The following CNTN5 variants were observed in gnomAD, a reference collection of about 807,000 sequenced individuals.
CNTN5 encodes the protein contactin-5.
Under a neutral mutation model 129.1 loss-of-function variants are expected in CNTN5, and 77 were observed. The ratio of observed to expected loss-of-function variants is 0.60; its 90% CI spans 0.50 to 0.72. The LOEUF (loss-of-function observed/expected upper bound fraction) is 0.72, where lower values mean the gene tolerates loss of function less well. Ranked by LOEUF, CNTN5 falls within the 30% of genes least tolerant of loss-of-function variation. The probability of loss-of-function intolerance (pLI) is 0.00; values close to 1 mark genes in which losing one functional copy is unlikely to be tolerated. For synonymous variants in CNTN5, 509 were observed against 465.6 expected (o/e 1.09, Z -1.20); for missense variants, 1,478 against 1,328.8 (o/e 1.11, Z -1.75).
chr11:99,693,589 C>T (rs1954132240), intron 3 of CNTN5, among the ~76,000 whole-genome samples: 1 of 151,856 alleles, frequency 6.6e-6, no homozygotes, highest in Non-Finnish European at 1.5e-5. Context: ...GAGTAATGGA[C>T]AGTAGAGCTG....
intron 2 of CNTN5, among the ~76,000 whole-genome samples, chr11:99,445,082 A>G (rs71474521): frequency 6.8e-6 from 1 of 147,992 alleles, no homozygotes; most frequent in Non-Finnish European, 1.5e-5. Flanking sequence ...ACACAATTAT[A>G]TTTATATTTG....
intron 3 of CNTN5, among the ~76,000 whole-genome samples, chr11:99,609,159 T>C (rs1950521171): frequency 6.6e-6 from 1 of 152,166 alleles, no homozygotes; most frequent in Non-Finnish European, 1.5e-5. Flanking sequence ...GAATTCAAAT[T>C]TGTGTTCTCT....
At chr11:99,633,921 G>C (rs1392665866) in intron 3 of CNTN5, among the ~76,000 whole-genome samples, 1 of 152,182 alleles carries the variant, frequency 6.6e-6, no homozygotes, top group Admixed American at 6.5e-5. Context: ...TACAGGACAC[G>C]TGTGCCAGCG....
chr11:99,542,086 T>C (rs1028887553), intron 2 of CNTN5, among the ~76,000 whole-genome samples: 1 of 152,116 alleles, frequency 6.6e-6, no homozygotes, highest in African/African-American at 2.4e-5. Flanking sequence ...ATTTATGGGA[T>C]ATAATGTATT....
intron 3 of CNTN5, among the ~76,000 whole-genome samples, chr11:99,628,621 C>CACAT (rs1232445586): frequency 4.6e-5 from 7 of 150,758 alleles, no homozygotes; most frequent in African/African-American, 1.5e-4. Flanking sequence ...GACACACACA[C>CACAT]ACACACACAC....
chr11:99,842,069 A>G (rs903393078), intron 4 of CNTN5, among the ~76,000 whole-genome samples: 8 of 151,730 alleles, frequency 5.3e-5, no homozygotes. Flanking sequence ...CTAATTTTGT[A>G]TGTTTAGTAC....
chr11:100,161,689 AATG>A (rs1004011608), intron 13 of CNTN5, among the ~76,000 whole-genome samples: 1 of 151,776 alleles, frequency 6.6e-6, no homozygotes, highest in Non-Finnish European at 1.5e-5. Flanking sequence ...TCAAAAAAGC[AATG>A]ATGTAAATAA....
In CNTN5 at chr11:100,356,196, G is replaced by A. The variant is rs565717456; in HGVS notation, c.3279G>A (p.Leu1093=). 4 of 1,609,232 alleles carry A rather than the reference G, an allele frequency of 2.5e-6. No homozygotes were observed. The South Asian group carries it at 3.3e-5, about 13-fold the overall frequency. The change falls in exon 25 of 25, where the codon TTG becomes TTA. Residue 1093 remains leucine (L), a synonymous_variant. Coordinates refer to ENST00000524871, the MANE Select transcript of CNTN5 (RefSeq NM_014361.4). ...CATCAGTCACCTTGCTCTTGGCATT[G>A]ATGATTCCTTCAACTTCCTGGTGAA... The part of the protein sequence containing the change: ...SSSSVTLLLA[L]MIPSTSW
intron 13 of CNTN5, among the ~76,000 whole-genome samples, chr11:100,086,406 G>A (rs1944557040): frequency 6.6e-6 from 1 of 150,544 alleles, no homozygotes; most frequent in South Asian, 2.1e-4. Flanking sequence ...AATTTTTAGT[G>A]CAACCAGTAA....
chr11:100,348,140 C>G (rs1431064708), intron 23 of CNTN5, among the ~76,000 whole-genome samples: 4 of 151,908 alleles, frequency 2.6e-5, no homozygotes, highest in African/African-American at 9.7e-5. Flanking sequence ...TTGCAACTGT[C>G]AATCTATAAA....
At chr11:99,716,349 T>C (rs605559) in intron 3 of CNTN5, among the ~76,000 whole-genome samples, 42,842 of 151,954 alleles carry the variant, frequency 0.28, 6,501 homozygotes, top group Middle Eastern at 0.45. Context: ...ATTCTCTCCT[T>C]CTTTATTGAA....
chr11:100,068,430 G>T (rs761034044), intron 10 of CNTN5, among the ~76,000 whole-genome samples: 3 of 152,100 alleles, frequency 2.0e-5, no homozygotes, highest in Non-Finnish European at 4.4e-5. Flanking sequence ...CAGAATAGAA[G>T]TAGAACACTC....
At chr11:99,058,001 CT>C (rs1347539932) in intron 1 of CNTN5, among the ~76,000 whole-genome samples, 1 of 151,986 alleles carries the variant, frequency 6.6e-6, no homozygotes, top group East Asian at 1.9e-4. Flanking sequence ...AAAAAACTAT[CT>C]GAGGCAGGGA....
chr11:99,210,111 T>G (rs992495431), intron 1 of CNTN5, among the ~76,000 whole-genome samples: 2 of 152,192 alleles, frequency 1.3e-5, no homozygotes, highest in African/African-American at 2.4e-5. Flanking sequence ...AGATTTGCCA[T>G]GTTCAATTAT....
intron 3 of CNTN5, among the ~76,000 whole-genome samples, chr11:99,585,213 A>G (rs888226739): frequency 6.6e-5 from 10 of 152,238 alleles, no homozygotes; most frequent in African/African-American, 2.4e-4. Context: ...TACTCATTAC[A>G]ACTAGCCTTT....
At chr11:100,166,100 C>T (rs527913132) in intron 13 of CNTN5, among the ~76,000 whole-genome samples, 1 of 151,784 alleles carries the variant, frequency 6.6e-6, no homozygotes, top group East Asian at 2.0e-4. Flanking sequence ...TCAAAAGTAC[C>T]ATTTCTGATT....
intron 16 of CNTN5, among the ~76,000 whole-genome samples, chr11:100,233,726 G>A (rs975588379): frequency 6.6e-6 from 1 of 151,982 alleles, no homozygotes; most frequent in South Asian, 2.1e-4. Context: ...AGGTGCCATG[G>A]GTTTTGCTAG....
At chr11:99,894,907 T>C (rs1027896375) in intron 6 of CNTN5, among the ~76,000 whole-genome samples, 4 of 152,240 alleles carry the variant, frequency 2.6e-5, no homozygotes, top group African/African-American at 4.8e-5. Context: ...TCCTTCCTCA[T>C]GGCATACCAT....
intron 1 of CNTN5, among the ~76,000 whole-genome samples, chr11:99,130,386 G>A (rs574289824): frequency 5.9e-5 from 9 of 152,204 alleles, no homozygotes; most frequent in South Asian, 2.1e-4. Context: ...ACATAATGGC[G>A]TAAGGTTTAA....
Sources: gnomAD v4.1 joint callset for allele counts (sites outside exome capture counted in the v4.1 genomes callset) on GRCh38, gnomAD v4.1.1 for gene constraint, MANE v1.5 for transcripts, NCBI Gene and HGNC (gene_info 2026-07-23, HGNC 2026-07-21) for gene names.